KCNK1: variants seen among roughly 807,000 people sequenced by gnomAD.
KCNK1 encodes potassium channel subfamily K member 1.
Under a neutral mutation model 22.2 loss-of-function variants are expected in KCNK1, and 10 were observed. The ratio of observed to expected loss-of-function variants is 0.45; its 90% confidence interval spans 0.28 to 0.76. KCNK1 has a LOEUF of 0.76. Ranked by LOEUF, KCNK1 falls within the 30% of genes least tolerant of loss-of-function variation. KCNK1 has a pLI of 0.14. For synonymous variants in KCNK1, 200 were observed against 186.4 expected (o/e 1.07, Z -0.60); for missense variants, 378 against 421.0 (o/e 0.90, Z 0.89).
At chr1:233,634,384 C>T (rs1254431140) in intron 1 of KCNK1, among the ~76,000 whole-genome samples, 3 of 151,788 alleles carry the variant, frequency 2.0e-5, no homozygotes, top group Non-Finnish European at 4.4e-5. Context: ...AAACTGCTTT[C>T]ACAAACTTCA....
intron 1 of KCNK1, among the ~76,000 whole-genome samples, chr1:233,657,598 T>TAAGA (rs759969507): frequency 2.3e-4 from 16 of 71,096 alleles, no homozygotes; most frequent in Middle Eastern, 0.014. Flanking sequence ...GCCAAAGAAA[T>TAAGA]AAGAAAGAAA....
intron 1 of KCNK1, among the ~76,000 whole-genome samples, chr1:233,641,992 G>A (rs1054158504): frequency 6.6e-6 from 1 of 152,208 alleles, no homozygotes; most frequent in Admixed American, 6.5e-5. Context: ...AGTTTGATGA[G>A]GGTCAAAGCT....
chr1:233,648,714 G>A (rs147778121), intron 1 of KCNK1, among the ~76,000 whole-genome samples: 2,104 of 152,004 alleles, frequency 0.014, 45 homozygotes, highest in African/African-American at 0.047. Context: ...TTACAGACGC[G>A]CACCACCACA....
At chr1:233,643,908 A>G (rs183319509) in intron 1 of KCNK1, among the ~76,000 whole-genome samples, 17 of 152,354 alleles carry the variant, frequency 1.1e-4, no homozygotes, top group African/African-American at 3.6e-4. Context: ...GGGTCCCACA[A>G]TTCTCAGACA....
chr1:233,617,232 T>A (rs1265244693), intron 1 of KCNK1, among the ~76,000 whole-genome samples: 1 of 152,208 alleles, frequency 6.6e-6, no homozygotes, highest in Non-Finnish European at 1.5e-5. Flanking sequence ...TATGTCAGAA[T>A]CTTCTCACCC....
At chr1:233,615,885 T>TTTA (rs1657481605) in intron 1 of KCNK1, among the ~76,000 whole-genome samples, 1 of 152,216 alleles carries the variant, frequency 6.6e-6, no homozygotes, top group African/African-American at 2.4e-5. Context: ...ATTACTAAAC[T>TTTA]GATGTAAATC....
intron 1 of KCNK1, among the ~76,000 whole-genome samples, chr1:233,616,483 G>A (rs1208863037): frequency 1.1e-4 from 16 of 152,126 alleles, no homozygotes; most frequent in African/African-American, 2.7e-4. Flanking sequence ...GGGAATAGAC[G>A]TCTTATTATT....
rs943198551 is a variant in KCNK1 at position 233,671,947 on chromosome 1, T to C, written c.*417T>C. 1.1e-5 allele frequency: 2 copies of C among 189,990 alleles called. No individual in the cohort carries two copies. Among genetic ancestry groups the C allele is most frequent in the South Asian group, 1.0e-4 (1 of 9,648 alleles). 11.8% of individuals were successfully genotyped at this position (189,990 alleles called of 1,614,324 possible). Reference sequence around the variant, plus strand: ...AAAAAAAAAAAGCATAGAGATGTGTTTTATAAATAGGTTTATGTGTACTGG... The same window carrying C: ...AAAAAAAAAAAGCATAGAGATGTGTCTTATAAATAGGTTTATGTGTACTGG... On this transcript the variant is annotated 3_prime_UTR_variant, in exon 3 of 3. Coordinates refer to ENST00000366621, the MANE Select transcript of KCNK1 (RefSeq NM_002245.4).
chr1:233,625,767 T>TA (rs992874398), intron 1 of KCNK1, among the ~76,000 whole-genome samples: 3 of 152,208 alleles, frequency 2.0e-5, no homozygotes, highest in East Asian at 1.9e-4. Flanking sequence ...AGATGGCACT[T>TA]ACGTAAAGAG....
intron 1 of KCNK1, among the ~76,000 whole-genome samples, chr1:233,647,966 C>T (rs78688040): frequency 0.056 from 8,536 of 152,274 alleles, 332 homozygotes; most frequent in Non-Finnish European, 0.077. Context: ...ATCCATTTGG[C>T]CCCTGTGCTT....
At chr1:233,614,686 C>G (rs1000152106) in intron 1 of KCNK1, among the ~76,000 whole-genome samples, 160 bp downstream of exon 1, 1 of 151,530 alleles carries the variant, frequency 6.6e-6, no homozygotes, top group Non-Finnish European at 1.5e-5. Flanking sequence ...TCCTCCCGAC[C>G]CTCCGACCTT....
At chr1:233,670,251 A>G (rs1658574353) in intron 2 of KCNK1, among the ~76,000 whole-genome samples, 1 of 152,320 alleles carries the variant, frequency 6.6e-6, no homozygotes, top group African/African-American at 2.4e-5. Flanking sequence ...CAAACTGGTA[A>G]TGTTGGCCAG....
intron 1 of KCNK1, among the ~76,000 whole-genome samples, chr1:233,655,227 C>A: frequency 6.6e-6 from 1 of 152,308 alleles, no homozygotes; most frequent in South Asian, 2.1e-4. Context: ...CTATTCTTTT[C>A]TTTCTTTTGA....
At chr1:233,623,610 A>G (rs1657631317) in intron 1 of KCNK1, among the ~76,000 whole-genome samples, 1 of 152,228 alleles carries the variant, frequency 6.6e-6, no homozygotes, top group African/African-American at 2.4e-5. Context: ...TGTTATTGAG[A>G]CGGAGTCTCG....
At chr1:233,620,085 G>A (rs1050008808) in intron 1 of KCNK1, among the ~76,000 whole-genome samples, 4 of 152,142 alleles carry the variant, frequency 2.6e-5, no homozygotes, top group Admixed American at 6.5e-5. Context: ...GAAAAAGAAT[G>A]TTTTCTGACA....
At chr1:233,645,459 G>A (rs1013789290) in intron 1 of KCNK1, among the ~76,000 whole-genome samples, 17 of 152,192 alleles carry the variant, frequency 1.1e-4, no homozygotes, top group African/African-American at 4.1e-4. Context: ...AAGAGACAGA[G>A]GGGGAAGGCA....
At chr1:233,648,882 C>G (rs1287118033) in intron 1 of KCNK1, among the ~76,000 whole-genome samples, 2 of 152,112 alleles carry the variant, frequency 1.3e-5, no homozygotes, top group African/African-American at 4.8e-5. Context: ...AGGTCTATTT[C>G]TTGCTCAAGT....
chr1:233,632,097 G>A (rs540842159), intron 1 of KCNK1, among the ~76,000 whole-genome samples: 30 of 152,268 alleles, frequency 2.0e-4, no homozygotes, highest in African/African-American at 6.0e-4. Flanking sequence ...AAAACATTGC[G>A]TTGTCTTCTG....
chr1:233,628,422 C>T (rs557023875), intron 1 of KCNK1, among the ~76,000 whole-genome samples: 2 of 152,246 alleles, frequency 1.3e-5, no homozygotes, highest in East Asian at 3.9e-4. Flanking sequence ...AGTAACACAC[C>T]TGCACACGTA....
Sources: gnomAD v4.1 joint callset for allele counts (sites outside exome capture counted in the v4.1 genomes callset) on GRCh38, gnomAD v4.1.1 for gene constraint, MANE v1.5 for transcripts, NCBI Gene and HGNC (gene_info 2026-07-23, HGNC 2026-07-21) for gene names.